ITPR1: variants seen among roughly 807,000 people sequenced by gnomAD.
ITPR1 encodes the protein inositol 1,4,5-trisphosphate-gated calcium channel ITPR1.
A neutral mutation model predicts 318.4 loss-of-function variants in ITPR1; 96 were observed. The ratio of observed to expected loss-of-function variants is 0.30; its 90% CI spans 0.26 to 0.36. The LOEUF (loss-of-function observed/expected upper bound fraction) is 0.36, where lower values mean the gene tolerates loss of function less well. ITPR1 is among the 10% of genes least tolerant of loss of function. The pLI is 1.00. For missense variants in ITPR1, 2,440 were observed against 3,460.2 expected (o/e 0.71, Z 7.40); for synonymous variants, 1,312 against 1,289.9 (o/e 1.02, Z -0.37).
At chr3:4,625,680 C>T (rs1239771571) in intron 4 of ITPR1, among the ~76,000 whole-genome samples, 2 of 152,128 alleles carry the variant, frequency 1.3e-5, no homozygotes, top group African/African-American at 4.8e-5. Context: ...CCTCAGCCTC[C>T]CGAGTAGCTG....
At position 4,735,316 on chromosome 3, in the gene ITPR1, G is replaced by T; in HGVS notation, c.5506G>T (p.Ala1836Ser). ...DRVFHESILL[A>S]IALLEGGNTT... ...AGTGTTCCATGAAAGCATTCTCCTGGCCATTGCCCTTCTGGAAGGAGGCAA... is the reference window on the plus strand; with the variant it reads ...AGTGTTCCATGAAAGCATTCTCCTGTCCATTGCCCTTCTGGAAGGAGGCAA... The change falls in exon 44 of 62, where the codon GCC becomes TCC. Residue 1836 changes from alanine (A) to serine (S), a missense_variant. This residue lies in a region of ITPR1 where 80 missense variants were observed against 122.0 expected (regional missense o/e 0.66). Transcript: ENST00000649015. The T allele has an allele frequency of 6.2e-7, 1 of 1,613,886 alleles. No homozygotes were observed. Among genetic ancestry groups the T allele is most frequent in the Non-Finnish European group, 8.5e-7 (1 of 1,179,852 alleles).
chr3:4,573,808 G>T (rs146720715), intron 4 of ITPR1, among the ~76,000 whole-genome samples: 291 of 152,096 alleles, frequency 1.9e-3, no homozygotes, highest in African/African-American at 6.3e-3. Context: ...TTCTCTTACC[G>T]TACTTTCTTT....
intron 52 of ITPR1, among the ~76,000 whole-genome samples, chr3:4,791,221 G>A (rs546306513): frequency 1.3e-5 from 2 of 152,250 alleles, no homozygotes; most frequent in South Asian, 2.1e-4. Flanking sequence ...TTGCTATAAT[G>A]TAGCAGGTAT....
At chr3:4,823,453 C>T (rs2049854343) in intron 60 of ITPR1, among the ~76,000 whole-genome samples, 1 of 152,140 alleles carries the variant, frequency 6.6e-6, no homozygotes, top group East Asian at 1.9e-4. Context: ...TATATAGACA[C>T]AGTGGAATAC....
intron 55 of ITPR1, among the ~76,000 whole-genome samples, chr3:4,806,728 C>T (rs1374263926): frequency 6.6e-6 from 1 of 152,106 alleles, no homozygotes; most frequent in Admixed American, 6.5e-5. Context: ...TGATCATGAG[C>T]TCAGTAGATT....
chr3:4,757,583 C>T (rs1049612716), intron 44 of ITPR1, among the ~76,000 whole-genome samples: 8 of 152,114 alleles, frequency 5.3e-5, no homozygotes, highest in Non-Finnish European at 1.0e-4. Context: ...GCTGAGGCGT[C>T]GGACAGGTGG....
At chr3:4,574,766 T>C (rs2088443537) in intron 4 of ITPR1, among the ~76,000 whole-genome samples, 1 of 152,224 alleles carries the variant, frequency 6.6e-6, no homozygotes, top group South Asian at 2.1e-4. Flanking sequence ...GATAATGTCA[T>C]GGGATTGGAA....
chr3:4,745,099 CTT>C (rs1170658899), intron 44 of ITPR1, among the ~76,000 whole-genome samples: 1 of 138,744 alleles, frequency 7.2e-6, no homozygotes, highest in African/African-American at 2.7e-5. Flanking sequence ...TTCTCACTGT[CTT>C]TTTTTTTTCT....
At position 4,645,893 on chromosome 3, in the gene ITPR1, A is replaced by G. The variant is rs4303850; in HGVS notation, c.855+165A>G. The G allele has an allele frequency of 0.85, 560,323 of 656,790 alleles. 240,957 individuals carry two copies. The highest frequency in any genetic ancestry group is 1 in the East Asian group (35,980 of 35,996). 40.7% of individuals were successfully genotyped at this position (656,790 alleles called of 1,614,324 possible). Reference sequence around the variant, plus strand: ...ACACACACAGAATACATGTGTGTGTATATATATAAGTCACAAACAAGTACT... The same window carrying G: ...ACACACACAGAATACATGTGTGTGTGTATATATAAGTCACAAACAAGTACT... On this transcript the variant is annotated intron_variant, in intron 10 of 61. Transcript: ENST00000649015.
At chr3:4,723,573 AATAGAT>A (rs2042310430) in intron 40 of ITPR1, among the ~76,000 whole-genome samples, 1 of 152,020 alleles carries the variant, frequency 6.6e-6, no homozygotes, top group Non-Finnish European at 1.5e-5. Flanking sequence ...GTGATTAAGA[AATAGAT>A]ATATACTACC....
At chr3:4,791,026 G>T (rs1441578139) in intron 52 of ITPR1, among the ~76,000 whole-genome samples, 1 of 152,202 alleles carries the variant, frequency 6.6e-6, no homozygotes, top group African/African-American at 2.4e-5. Context: ...ACACTTTCTT[G>T]CATGAGGTTT....
chr3:4,752,120 C>G (rs1489625115), intron 44 of ITPR1, among the ~76,000 whole-genome samples: 1 of 152,184 alleles, frequency 6.6e-6, no homozygotes, highest in Non-Finnish European at 1.5e-5. Context: ...CCTCGTTTTT[C>G]CCCTGGAATT....
At chr3:4,506,385 G>A (rs1430793250) in intron 2 of ITPR1, among the ~76,000 whole-genome samples, 2 of 152,022 alleles carry the variant, frequency 1.3e-5, no homozygotes, top group Non-Finnish European at 2.9e-5. Flanking sequence ...ATGCTCTTCC[G>A]CCTGATTTTT....
At chr3:4,717,433 T>A in intron 40 of ITPR1, 34 bp downstream of exon 40, 1 of 1,549,278 alleles carries the variant, frequency 6.5e-7, no homozygotes, top group Non-Finnish European at 8.8e-7. Flanking sequence ...TTTTCATGTC[T>A]CATGGTGGTG....
chr3:4,668,387 G>C (rs1382657325), intron 18 of ITPR1, among the ~76,000 whole-genome samples: 1 of 151,600 alleles, frequency 6.6e-6, no homozygotes, highest in Non-Finnish European at 1.5e-5. Context: ...TTCTGTGCTT[G>C]GCTTATTTCA....
chr3:4,814,187 A>G, intron 57 of ITPR1: 3 of 518,734 alleles, frequency 5.8e-6, no homozygotes, highest in Admixed American at 5.9e-5. Flanking sequence ...TTTAGATCCC[A>G]CAGAGGGAGA....
rs1426143992 is a variant in ITPR1 at position 4,651,552 on chromosome 3, T to C, written c.856-571T>C. ...TTGTCCAACATGTGAACACAGTTGT[T>C]TGGGATATTTTATCCAGTTTTCTAG... On this transcript the variant is annotated intron_variant, in intron 10 of 61. Transcript: ENST00000649015. Among the ~76,000 whole-genome samples the C allele has an allele frequency of 1.3e-5, 2 of 152,372 alleles. 1 individual carries two copies. Among genetic ancestry groups the C allele is most frequent in the Middle Eastern group, 6.8e-3 (2 of 294 alleles).
At chr3:4,512,953 AGCCG>A (rs1296704807) in intron 2 of ITPR1, among the ~76,000 whole-genome samples, 1 of 19,252 alleles carries the variant, frequency 5.2e-5, no homozygotes, top group Non-Finnish European at 9.7e-5. Context: ...TTGTCAGCAG[AGCCG>A]AGCCCTCGGT....
intron 60 of ITPR1, among the ~76,000 whole-genome samples, chr3:4,823,596 C>CT (rs1047501276): frequency 1.3e-5 from 2 of 151,032 alleles, no homozygotes; most frequent in African/African-American, 4.9e-5. Flanking sequence ...TATGTGGGGG[C>CT]TAAAAAAAAC....
Sources: allele counts gnomAD v4.1 joint callset (sites outside exome capture counted in the v4.1 genomes callset), GRCh38; gene constraint gnomAD v4.1.1; regional missense constraint gnomAD v4.1.1; transcripts MANE v1.5; gene names NCBI Gene and HGNC (gene_info 2026-07-23, HGNC 2026-07-21).